Variants in RBFOX1 observed in about 807,000 individuals in gnomAD.
RBFOX1 encodes RNA binding fox-1 homolog 1, also known as RNA binding protein fox-1 homolog 1.
A neutral mutation model predicts 57.7 loss-of-function variants in RBFOX1; 8 were observed. That is an observed-to-expected ratio of 0.14 (90% CI 0.08 to 0.25). The LOEUF (loss-of-function observed/expected upper bound fraction) is 0.25. Among genes scored for constraint, RBFOX1 ranks in the 10% least tolerant of loss-of-function variants. The pLI is 1.00. For missense variants in RBFOX1, 611 were observed against 548.5 expected (o/e 1.11, Z -1.14); for synonymous variants, 326 against 222.4 (o/e 1.47, Z -4.15).
At chr16:5,285,155 C>T (rs973074147) in intron 1 of RBFOX1, among the ~76,000 whole-genome samples, 2 of 152,066 alleles carry the variant, frequency 1.3e-5, no homozygotes, top group African/African-American at 4.8e-5. Flanking sequence ...ACTCTTTTTT[C>T]TTTCTTTTTG....
chr16:7,243,270 A>G (rs747211427), intron 4 of RBFOX1, among the ~76,000 whole-genome samples: 9 of 152,054 alleles, frequency 5.9e-5, no homozygotes, highest in South Asian at 2.1e-4. Flanking sequence ...AAACCAGCCT[A>G]TAGGCGTGGT....
chr16:7,034,836 TTTTTCTTTTTTC>T (rs1395084548), intron 3 of RBFOX1, among the ~76,000 whole-genome samples: 11 of 92,030 alleles, frequency 1.2e-4, no homozygotes, highest in Admixed American at 2.3e-4. Context: ...ACTTTTTTTT[TTTTTCTTTTTTC>T]TTTTTTTTTT....
intron 3 of RBFOX1, among the ~76,000 whole-genome samples, chr16:5,658,730 A>G (rs1567358472): frequency 1.3e-5 from 1 of 77,048 alleles, no homozygotes; most frequent in South Asian, 7.3e-4. Flanking sequence ...ACATACATAC[A>G]TATATATAAA....
chr16:7,287,049 T>G (rs190723761), intron 4 of RBFOX1, among the ~76,000 whole-genome samples: 29 of 152,274 alleles, frequency 1.9e-4, no homozygotes, highest in Admixed American at 5.9e-4. Flanking sequence ...AGTGTGAGGA[T>G]GTGTGGCACA....
intron 3 of RBFOX1, among the ~76,000 whole-genome samples, chr16:6,663,894 T>G (rs12325543): frequency 0.24 from 35,782 of 152,118 alleles, 4,590 homozygotes; most frequent in African/African-American, 0.33. Context: ...TACACGTCAG[T>G]GTAGCTGGGG....
chr16:5,668,944 C>T (rs562704706), intron 3 of RBFOX1, among the ~76,000 whole-genome samples: 2 of 152,302 alleles, frequency 1.3e-5, no homozygotes, highest in African/African-American at 2.4e-5. Context: ...GGGAGCATTG[C>T]TCCAGCAGGA....
chr16:6,168,722 G>C (rs189396862), intron 1 of RBFOX1, among the ~76,000 whole-genome samples: 12 of 152,216 alleles, frequency 7.9e-5, no homozygotes, highest in African/African-American at 2.4e-4. Context: ...TCTTTGCAAA[G>C]TGTGTTTAAT....
At chr16:7,210,267 C>G (rs146504409) in intron 4 of RBFOX1, among the ~76,000 whole-genome samples, 8 of 152,276 alleles carry the variant, frequency 5.3e-5, no homozygotes, top group Admixed American at 1.3e-4. Flanking sequence ...GCGAGGCTGA[C>G]TAAGCAATTC....
intron 3 of RBFOX1, among the ~76,000 whole-genome samples, chr16:6,920,255 T>A (rs139902771): frequency 7.1e-5 from 1 of 14,034 alleles, no homozygotes; most frequent in Non-Finnish European, 1.8e-4. Context: ...TGCACATGTG[T>A]TTTTTTATAT....
At chr16:5,805,746 C>T (rs2055204840) in intron 3 of RBFOX1, among the ~76,000 whole-genome samples, 1 of 152,286 alleles carries the variant, frequency 6.6e-6, no homozygotes, top group Admixed American at 6.5e-5. Context: ...TGAGTCAAGT[C>T]ATAACCAACC....
intron 4 of RBFOX1, among the ~76,000 whole-genome samples, chr16:7,359,187 C>G (rs544608382): frequency 6.6e-6 from 1 of 152,156 alleles, no homozygotes. Context: ...TGTCTCAGAA[C>G]CTCTCTTATC....
At chr16:7,070,092 A>T (rs538903899) in intron 4 of RBFOX1, among the ~76,000 whole-genome samples, 4 of 151,822 alleles carry the variant, frequency 2.6e-5, no homozygotes, top group Non-Finnish European at 5.9e-5. Context: ...TAGGATGTGG[A>T]TTCTTGGATT....
chr16:5,633,278 C>G (rs914466872), intron 3 of RBFOX1, among the ~76,000 whole-genome samples: 1 of 152,116 alleles, frequency 6.6e-6, no homozygotes, highest in East Asian at 1.9e-4. Flanking sequence ...CATTTTGAAG[C>G]TCCCACTCTT....
intron 4 of RBFOX1, among the ~76,000 whole-genome samples, chr16:7,217,361 C>T (rs562670748): frequency 3.7e-5 from 5 of 135,848 alleles, no homozygotes; most frequent in African/African-American, 1.4e-4. Context: ...GAACTCCTGA[C>T]CTTAGGTGAT....
intron 3 of RBFOX1, among the ~76,000 whole-genome samples, chr16:6,767,715 A>G (rs914299340): frequency 1.3e-5 from 2 of 151,884 alleles, no homozygotes; most frequent in African/African-American, 2.4e-5. Flanking sequence ...GGAGTTCGAG[A>G]GCAGCCTGGC....
chr16:6,342,580 A>G (rs1229542153), intron 2 of RBFOX1, among the ~76,000 whole-genome samples: 1 of 152,168 alleles, frequency 6.6e-6, no homozygotes, highest in Non-Finnish European at 1.5e-5. Context: ...GAAGTTAGGT[A>G]GGTTTTGCTG....
intron 1 of RBFOX1, among the ~76,000 whole-genome samples, chr16:6,114,023 G>T (rs2096473006): frequency 6.9e-6 from 1 of 143,986 alleles, no homozygotes; most frequent in African/African-American, 2.7e-5. Flanking sequence ...TCAAACTACT[G>T]CCACCTGGGG....
intron 2 of RBFOX1, among the ~76,000 whole-genome samples, chr16:6,480,044 C>T (rs1206455950): frequency 1.4e-4 from 17 of 119,958 alleles, no homozygotes; most frequent in Middle Eastern, 3.9e-3. Context: ...AGCAAGACTC[C>T]ACCTCGAAAA....
intron 3 of RBFOX1, among the ~76,000 whole-genome samples, chr16:5,807,169 G>A (rs894133008): frequency 3.3e-5 from 5 of 152,164 alleles, no homozygotes; most frequent in African/African-American, 9.6e-5. Flanking sequence ...ACCTCTCAGA[G>A]CCTTCTTTTT....
Sources: gnomAD v4.1 joint callset for allele counts (sites outside exome capture counted in the v4.1 genomes callset) on GRCh38, gnomAD v4.1.1 for gene constraint, MANE v1.5 for transcripts, NCBI Gene and HGNC (gene_info 2026-07-23, HGNC 2026-07-21) for gene names.